RHBDD1: variants seen among roughly 807,000 people sequenced by gnomAD.
RHBDD1 encodes rhomboid-related protein 4.
A neutral mutation model predicts 36.3 loss-of-function variants in RHBDD1; 38 were observed. That is an observed-to-expected ratio of 1.05 (90% CI 0.81 to 1.37). RHBDD1 has a LOEUF of 1.37. Ranked by LOEUF, RHBDD1 falls within the 40% of genes most tolerant of loss-of-function variation. RHBDD1 has a pLI of 0.00. For missense variants in RHBDD1, 393 were observed against 377.6 expected (o/e 1.04, Z -0.34); for synonymous variants, 151 against 136.5 (o/e 1.11, Z -0.74).
chr2:226,905,860 G>A lies in RHBDD1; in HGVS notation c.567-933G>A, dbSNP rs530272583. ...GAAGTGGGAGTGGCACCCCAGAAAA[G>A]TCTAGTTTAAGGTGCTAGTGGATGT... is the stretch of plus-strand genomic sequence containing the variant. On this transcript the variant is annotated intron_variant, in intron 5 of 8. Transcript: ENST00000392062. 2.1e-3 allele frequency among the ~76,000 whole-genome samples: 315 copies of A among 152,230 alleles called. 1 individual carries two copies. The highest frequency in any genetic ancestry group is 2.7e-3 in the Non-Finnish European group (181 of 68,008).
intron 5 of RHBDD1, among the ~76,000 whole-genome samples, chr2:226,888,448 G>C (rs1946412466): frequency 6.6e-6 from 1 of 151,380 alleles, no homozygotes; most frequent in Non-Finnish European, 1.5e-5. Flanking sequence ...AATAATATTA[G>C]TTATAAACTT....
At chr2:226,828,864 TTAA>T in the RHBDD1 span, among the ~76,000 whole-genome samples, 5 of 152,224 alleles carry the variant, frequency 3.3e-5, no homozygotes, top group Non-Finnish European at 5.9e-5. Context: ...TTTCATTTTC[TTAA>T]TGATGTCTTT....
At chr2:226,833,288 G>C (rs1940789178), upstream of RHBDD1, among the ~76,000 whole-genome samples, 1 of 152,226 alleles carries the variant, frequency 6.6e-6, no homozygotes, top group Admixed American at 6.5e-5. Flanking sequence ...AAAGCAATTA[G>C]AAACCCAAAC....
chr2:226,914,449 T>A, intron 8 of RHBDD1, 98 bp downstream of exon 8: 1 of 1,351,514 alleles, frequency 7.4e-7, no homozygotes, highest in Non-Finnish European at 1.0e-6. Context: ...TTTAAACAGT[T>A]CAGAAAAAGG....
At chr2:226,826,826 A>G in the RHBDD1 span, among the ~76,000 whole-genome samples, 1 of 151,370 alleles carries the variant, frequency 6.6e-6, no homozygotes, top group East Asian at 2.0e-4. Context: ...AGCCTGATAG[A>G]TTCTTAATTG....
intron 8 of RHBDD1, among the ~76,000 whole-genome samples, chr2:226,945,217 T>C (rs1029026730): frequency 1.3e-5 from 2 of 151,416 alleles, no homozygotes; most frequent in Admixed American, 6.6e-5. Context: ...TGTGCAGGTT[T>C]GTTACATAGG....
chr2:226,940,709 G>A (rs1950609704), intron 8 of RHBDD1, among the ~76,000 whole-genome samples: 1 of 152,160 alleles, frequency 6.6e-6, no homozygotes, highest in Admixed American at 6.5e-5. Context: ...AGCACTGAAA[G>A]CAAACTTAGA....
upstream of RHBDD1, among the ~76,000 whole-genome samples, chr2:226,833,062 T>C (rs138185900): frequency 6.8e-3 from 1,042 of 152,330 alleles, 7 homozygotes; most frequent in African/African-American, 0.024. Flanking sequence ...AAATCTCTTA[T>C]GGTTAGTGTC....
At chr2:226,915,005 A>G (rs1202066409) in intron 8 of RHBDD1, among the ~76,000 whole-genome samples, 2 of 152,134 alleles carry the variant, frequency 1.3e-5, no homozygotes, top group African/African-American at 4.8e-5. Flanking sequence ...TTAAAGTTTT[A>G]TGTTTCATGT....
At chr2:226,870,288 T>C (rs1349013440) in intron 5 of RHBDD1, among the ~76,000 whole-genome samples, 1 of 152,228 alleles carries the variant, frequency 6.6e-6, no homozygotes, top group Non-Finnish European at 1.5e-5. Context: ...TTGTAAACAA[T>C]AGGAAGTACT....
intron 8 of RHBDD1, among the ~76,000 whole-genome samples, chr2:226,929,616 C>A (rs1444401531): frequency 6.6e-6 from 1 of 152,028 alleles, no homozygotes; most frequent in Non-Finnish European, 1.5e-5. Context: ...CCGCTTTCAC[C>A]ACTCTATTCA....
the RHBDD1 span, among the ~76,000 whole-genome samples, chr2:226,815,981 G>GA: frequency 7.0e-4 from 107 of 152,270 alleles, no homozygotes; most frequent in African/African-American, 2.4e-3. Context: ...ATTGCCCCCT[G>GA]CTCTGTCTCT....
the RHBDD1 span, among the ~76,000 whole-genome samples, chr2:226,817,798 T>G: frequency 6.6e-6 from 1 of 152,204 alleles, no homozygotes; most frequent in Non-Finnish European, 1.5e-5. Context: ...CACGCAAAGT[T>G]AGATTCCTAG....
chr2:226,867,410 C>G, intron 5 of RHBDD1, 92 bp downstream of exon 5: 1 of 1,350,662 alleles, frequency 7.4e-7, no homozygotes, highest in Non-Finnish European at 1.0e-6. Flanking sequence ...AATTGTTTTT[C>G]ACAGTGAGGT....
rs138115663 is a variant in RHBDD1 at position 226,859,585 on chromosome 2, G to T, written c.-90-5019G>T. Reference sequence around the variant, plus strand: ...GTCACTGTGTATTTGTGGTGATCCTGTGGTAGCTCTGGGTGTTGTTGGTGA... The same window carrying T: ...GTCACTGTGTATTTGTGGTGATCCTTTGGTAGCTCTGGGTGTTGTTGGTGA... On this transcript the variant is annotated intron_variant, in intron 3 of 8. Transcript: ENST00000392062. Among the ~76,000 whole-genome samples the T allele has an allele frequency of 1.3e-4, 20 of 152,300 alleles. No homozygotes were observed. In the East Asian group the frequency reaches 3.9e-3, roughly 29 times the overall value.
intron 8 of RHBDD1, among the ~76,000 whole-genome samples, chr2:226,982,555 C>G (rs527268952): frequency 6.6e-6 from 1 of 152,310 alleles, no homozygotes; most frequent in African/African-American, 2.4e-5. Context: ...ACTGAATGTT[C>G]TTTAATGTGG....
intron 5 of RHBDD1, among the ~76,000 whole-genome samples, chr2:226,867,863 C>T (rs776582453): frequency 6.6e-6 from 1 of 152,026 alleles, no homozygotes; most frequent in African/African-American, 2.4e-5. Flanking sequence ...GGATTACAGG[C>T]GTGTGCCACC....
At chr2:226,926,033 G>A (rs1212965687) in intron 8 of RHBDD1, among the ~76,000 whole-genome samples, 1 of 152,038 alleles carries the variant, frequency 6.6e-6, no homozygotes, top group East Asian at 1.9e-4. Context: ...CTGACAGGTT[G>A]GAGACATCCT....
chr2:226,994,392 C>T (rs10210997), intron 8 of RHBDD1, among the ~76,000 whole-genome samples: 66,298 of 151,998 alleles, frequency 0.44, 14,578 homozygotes, highest in South Asian at 0.57. Flanking sequence ...GACAAACAAA[C>T]GGAAGGTGCC....
Sources: allele counts gnomAD v4.1 joint callset (sites outside exome capture counted in the v4.1 genomes callset), GRCh38; gene constraint gnomAD v4.1.1; transcripts MANE v1.5; gene names NCBI Gene and HGNC (gene_info 2026-07-23, HGNC 2026-07-21).